The following ANK3 variants were observed in gnomAD, a reference collection of about 807,000 sequenced individuals.
ANK3 encodes the protein ankyrin-3.
In ANK3, 57 loss-of-function variants were observed where a neutral mutation model predicts 370.9. The observed-to-expected ratio is 0.15, with a 90% CI of 0.12 to 0.19. The LOEUF (loss-of-function observed/expected upper bound fraction) is 0.19. Ranked by LOEUF, ANK3 falls within the 10% of genes least tolerant of loss-of-function variation. ANK3 has a pLI of 1.00. For missense variants in ANK3, 4,439 were observed against 5,302.1 expected (o/e 0.84, Z 5.06); for synonymous variants, 1,929 against 1,946.3 (o/e 0.99, Z 0.23).
chr10:60,688,586 C>T (rs925083016), intron 1 of ANK3, among the ~76,000 whole-genome samples: 2 of 152,042 alleles, frequency 1.3e-5, no homozygotes, highest in African/African-American at 4.8e-5. Flanking sequence ...TGTGAATATA[C>T]CATAATATAA....
At position 60,072,000 on chromosome 10, in the gene ANK3, G is replaced by T. The variant is rs1173141962; in HGVS notation, c.8881C>A (p.Pro2961Thr). 1 of 1,614,082 alleles carries T rather than the reference G, an allele frequency of 6.2e-7. No individual in the cohort carries two copies. The highest frequency in any genetic ancestry group is 1.1e-5 in the South Asian group (1 of 91,084). ...RSESSAVSHIPVRVADERRML... is the reference protein window; with the variant it reads ...RSESSAVSHITVRVADERRML... Reference sequence around the variant, plus strand: ...CTCCTCTCATCAGCAACTCTGACGGGAATGTGTGACACTGCTGAGCTCTCG... The same window carrying T: ...CTCCTCTCATCAGCAACTCTGACGGTAATGTGTGACACTGCTGAGCTCTCG... Residue 2961 changes from proline (P) to threonine (T), a missense_variant, in exon 37 of 44, where the codon CCC (proline) becomes ACC (threonine). Coordinates refer to ENST00000280772, the MANE Select transcript of ANK3 (RefSeq NM_020987.5).
At chr10:60,709,087 A>G (rs1398057952) in intron 1 of ANK3, among the ~76,000 whole-genome samples, 1 of 152,156 alleles carries the variant, frequency 6.6e-6, no homozygotes, top group African/African-American at 2.4e-5. Context: ...AACAACAACA[A>G]CAACAACAAC....
intron 21 of ANK3, 33 bp downstream of exon 21, chr10:60,172,275 C>T (rs2095812731): frequency 2.5e-6 from 4 of 1,569,620 alleles, no homozygotes; most frequent in African/African-American, 1.4e-5. Context: ...AAGCTGGCTC[C>T]TAGGGTAACA....
At chr10:60,482,716 G>A (rs1468871009) in intron 2 of ANK3, among the ~76,000 whole-genome samples, 1 of 152,026 alleles carries the variant, frequency 6.6e-6, no homozygotes, top group Admixed American at 6.6e-5. Flanking sequence ...TGAACTCCTA[G>A]GCTCAAGCGG....
intron 28 of ANK3, among the ~76,000 whole-genome samples, chr10:60,097,614 T>C (rs2090395837): frequency 6.6e-6 from 1 of 152,196 alleles, no homozygotes; most frequent in African/African-American, 2.4e-5. Flanking sequence ...GAAGCATAAA[T>C]AACATGACTG....
intron 1 of ANK3, among the ~76,000 whole-genome samples, chr10:60,336,205 G>T (rs535157967): frequency 1.8e-4 from 28 of 152,180 alleles, no homozygotes; most frequent in African/African-American, 6.5e-4. Context: ...GGAGAAGCAG[G>T]CATTGGAGGT....
chr10:60,536,433 G>C (rs543231044), intron 2 of ANK3, among the ~76,000 whole-genome samples: 1 of 151,982 alleles, frequency 6.6e-6, no homozygotes, highest in African/African-American at 2.4e-5. Context: ...AAATTCATCC[G>C]CTTTCCTTCT....
At chr10:60,099,814 G>A (rs2090854238) in intron 28 of ANK3, among the ~76,000 whole-genome samples, 1 of 152,070 alleles carries the variant, frequency 6.6e-6, no homozygotes. Flanking sequence ...AACTCCAAAA[G>A]CTTAGACCTG....
intron 1 of ANK3, among the ~76,000 whole-genome samples, chr10:60,623,265 T>C (rs2078362766): frequency 1.3e-5 from 2 of 152,140 alleles, no homozygotes; most frequent in Middle Eastern, 3.2e-3. Context: ...CAAAAATAAC[T>C]GTAATGCAAA....
intron 16 of ANK3, among the ~76,000 whole-genome samples, chr10:60,189,452 G>A (rs917376980): frequency 2.0e-5 from 3 of 152,166 alleles, no homozygotes; most frequent in Admixed American, 2.0e-4. Context: ...ATTGCTCAAG[G>A]ATTTATCTTG....
chr10:60,596,195 T>C (rs962254996), intron 2 of ANK3, among the ~76,000 whole-genome samples: 2 of 152,176 alleles, frequency 1.3e-5, no homozygotes, highest in Admixed American at 1.3e-4. Context: ...TTTGCACATG[T>C]GAATTTGTTC....
intron 18 of ANK3, among the ~76,000 whole-genome samples, chr10:60,175,515 T>C (rs2095907362): frequency 6.6e-6 from 1 of 152,356 alleles, no homozygotes; most frequent in Admixed American, 6.5e-5. Flanking sequence ...CTCTTTGTCA[T>C]AGCTGCCTCA....
At chr10:60,523,003 T>A (rs560832128) in intron 2 of ANK3, among the ~76,000 whole-genome samples, 1 of 152,046 alleles carries the variant, frequency 6.6e-6, no homozygotes, top group Non-Finnish European at 1.5e-5. Flanking sequence ...CTATAGCCTA[T>A]GTTAAAGATA....
chr10:60,248,091 C>T (rs926824645), intron 7 of ANK3, among the ~76,000 whole-genome samples: 5 of 152,190 alleles, frequency 3.3e-5, no homozygotes, highest in African/African-American at 7.2e-5. Context: ...CTGTTGGACT[C>T]GGCTTGCCTC....
chr10:60,561,511 A>G (rs1422822388), intron 2 of ANK3, among the ~76,000 whole-genome samples: 1 of 152,240 alleles, frequency 6.6e-6, no homozygotes, highest in Non-Finnish European at 1.5e-5. Flanking sequence ...TTCACTCAGC[A>G]AAAATTCACA....
chr10:60,247,051 T>C (rs1385693888), intron 7 of ANK3, among the ~76,000 whole-genome samples: 1 of 152,210 alleles, frequency 6.6e-6, no homozygotes, highest in African/African-American at 2.4e-5. Context: ...AGTCTCGCTC[T>C]ATTGCCCAAG....
intron 1 of ANK3, among the ~76,000 whole-genome samples, chr10:60,733,109 C>G (rs1376812918): frequency 2.0e-5 from 3 of 151,934 alleles, no homozygotes; most frequent in African/African-American, 7.2e-5. Flanking sequence ...ACCGGGTCCC[C>G]TCCACTCGCC....
intron 2 of ANK3, among the ~76,000 whole-genome samples, chr10:60,572,163 A>T (rs2077616527): frequency 6.6e-6 from 1 of 152,172 alleles, no homozygotes; most frequent in African/African-American, 2.4e-5. Flanking sequence ...AAACACACCC[A>T]CCCACATAAT....
At chr10:60,167,553 C>T (rs561282615) in intron 21 of ANK3, among the ~76,000 whole-genome samples, 27 of 152,276 alleles carry the variant, frequency 1.8e-4, no homozygotes, top group South Asian at 6.2e-4. Context: ...ACCCAAAAGA[C>T]ACTGTCAGCA....
Sources: allele counts gnomAD v4.1 joint callset (sites outside exome capture counted in the v4.1 genomes callset), GRCh38; gene constraint gnomAD v4.1.1; transcripts MANE v1.5; gene names NCBI Gene and HGNC (gene_info 2026-07-23, HGNC 2026-07-21).